The following KCND2 variants were observed in gnomAD, a reference collection of about 807,000 sequenced individuals.
KCND2 encodes A-type voltage-gated potassium channel KCND2.
A neutral mutation model predicts 54.4 loss-of-function variants in KCND2; 16 were observed. The ratio of observed to expected loss-of-function variants is 0.29; its 90% CI spans 0.20 to 0.45. The LOEUF (loss-of-function observed/expected upper bound fraction) is 0.45. KCND2 is among the 20% of genes least tolerant of loss of function. KCND2 has a pLI of 1.00. For missense variants in KCND2, 486 were observed against 824.2 expected, an observed-to-expected ratio of 0.59 and a Z score of 5.02; for synonymous variants, 317 against 310.7, an observed-to-expected ratio of 1.02 and a Z score of -0.21.
chr7:120,609,538 C>T (rs1792925328), intron 1 of KCND2, among the ~76,000 whole-genome samples: 1 of 152,122 alleles, frequency 6.6e-6, no homozygotes, highest in African/African-American at 2.4e-5. Flanking sequence ...AATTGCTATG[C>T]TGCAAAACCT....
At chr7:120,314,259 G>A (rs1799781390) in intron 1 of KCND2, among the ~76,000 whole-genome samples, 1 of 151,752 alleles carries the variant, frequency 6.6e-6, no homozygotes, top group African/African-American at 2.4e-5. Flanking sequence ...ATTGAACCCG[G>A]GAGGTGGAGC....
intron 1 of KCND2, among the ~76,000 whole-genome samples, chr7:120,350,579 G>A (rs1800386446): frequency 6.6e-6 from 1 of 152,056 alleles, no homozygotes. Context: ...TAATAAAGAT[G>A]GAAAAGTTGA....
At chr7:120,617,613 C>G (rs1335828403) in intron 1 of KCND2, among the ~76,000 whole-genome samples, 1 of 152,156 alleles carries the variant, frequency 6.6e-6, no homozygotes, top group Non-Finnish European at 1.5e-5. Context: ...TGAAACAGAA[C>G]TACCATTCGA....
intron 1 of KCND2, among the ~76,000 whole-genome samples, chr7:120,431,130 G>A (rs1383540473): frequency 6.6e-6 from 1 of 152,148 alleles, no homozygotes; most frequent in Admixed American, 6.5e-5. Flanking sequence ...TCTTCCTGAA[G>A]ATGATTCATC....
In KCND2 at chr7:120,749,806, A is replaced by G. The variant is rs977427372; in HGVS notation, c.*1948A>G. 6.6e-6 allele frequency: 1 copy of G among 152,058 alleles called. No homozygotes were observed. The highest frequency in any genetic ancestry group is 2.4e-5 in the African/African-American group (1 of 41,448). The allele number at this position is 152,058 out of a possible 1,614,324, so 9.4% of individuals were successfully genotyped here. A position where few individuals can be genotyped will look rare whatever the true frequency, so the allele number is the denominator to read the frequency against. The stretch of plus-strand genomic sequence containing the variant: ...TAACAATTATATTAACACCTGCCTC[A>G]TGTCAGTTTATGCTTCTAGAGCAAT... On this transcript the variant is annotated 3_prime_UTR_variant, in exon 6 of 6. Transcript: ENST00000331113.
In KCND2 at chr7:120,397,991, GTGTGTATATATATATATATA is replaced by G. The variant is rs1452023181; in HGVS notation, c.1115+122246_1115+122265del. ...TATATAAGTGTGTGTGTGTGTGTGT[GTGTGTATATATATATATATA>G]TATATATATATATATATATATATAT... On this transcript the variant is annotated intron_variant, in intron 1 of 5. Coordinates refer to ENST00000331113, the MANE Select transcript of KCND2 (RefSeq NM_012281.3). 7.3e-3 allele frequency among the ~76,000 whole-genome samples: 277 copies of G among 37,828 alleles called. 3 individuals are homozygous for G. Among genetic ancestry groups the G allele is most frequent in the African/African-American group, 0.017 (262 of 15,152 alleles). 24.8% of individuals were successfully genotyped at this position (37,828 alleles called of 152,430 possible). A position where few individuals can be genotyped will look rare whatever the true frequency, so the allele number is the denominator to read the frequency against.
At chr7:120,564,556 C>T (rs1170247185) in intron 1 of KCND2, among the ~76,000 whole-genome samples, 3 of 152,010 alleles carry the variant, frequency 2.0e-5, no homozygotes, top group Admixed American at 6.6e-5. Context: ...AAAAATTAAC[C>T]TAACTCTTTG....
intron 1 of KCND2, among the ~76,000 whole-genome samples, chr7:120,455,450 A>ATT: frequency 6.6e-6 from 1 of 152,290 alleles, no homozygotes; most frequent in South Asian, 2.1e-4. Flanking sequence ...TTAAAAGAGA[A>ATT]TAATCATTCA....
At chr7:120,686,070 G>A (rs1792197346) in intron 1 of KCND2, among the ~76,000 whole-genome samples, 1 of 152,062 alleles carries the variant, frequency 6.6e-6, no homozygotes, top group Non-Finnish European at 1.5e-5. Flanking sequence ...AATACTTAAG[G>A]GGTATACCTA....
At chr7:120,421,491 G>T (rs1801622159) in intron 1 of KCND2, among the ~76,000 whole-genome samples, 3 of 152,176 alleles carry the variant, frequency 2.0e-5, no homozygotes. Context: ...TCATTGCAGT[G>T]CTATTTTGAA....
At chr7:120,590,298 T>C (rs1792654636) in intron 1 of KCND2, among the ~76,000 whole-genome samples, 1 of 152,186 alleles carries the variant, frequency 6.6e-6, no homozygotes, top group Non-Finnish European at 1.5e-5. Context: ...GATACAGGCG[T>C]GAGCCACTGT....
chr7:120,727,484 C>T (rs1381031313), intron 1 of KCND2, among the ~76,000 whole-genome samples: 1 of 152,060 alleles, frequency 6.6e-6, no homozygotes, highest in Non-Finnish European at 1.5e-5. Flanking sequence ...AGAGTGCATG[C>T]CAGAATTCAA....
chr7:120,370,095 A>C (rs1197229920), intron 1 of KCND2, among the ~76,000 whole-genome samples: 2 of 151,954 alleles, frequency 1.3e-5, no homozygotes, highest in African/African-American at 2.4e-5. Context: ...TAAAGATGTG[A>C]AGAAGGTGAG....
At chr7:120,369,755 G>A (rs1800740268) in intron 1 of KCND2, among the ~76,000 whole-genome samples, 1 of 151,990 alleles carries the variant, frequency 6.6e-6, no homozygotes, top group South Asian at 2.1e-4. Context: ...GTATGCTCAA[G>A]TTTGTTCATT....
At chr7:120,615,663 C>T (rs1793014692) in intron 1 of KCND2, among the ~76,000 whole-genome samples, 1 of 152,168 alleles carries the variant, frequency 6.6e-6, no homozygotes, top group Admixed American at 6.5e-5. Flanking sequence ...CCAAGATTGT[C>T]TCCATGTTCT....
chr7:120,354,433 A>G, intron 1 of KCND2, among the ~76,000 whole-genome samples: 1 of 152,214 alleles, frequency 6.6e-6, no homozygotes, highest in East Asian at 1.9e-4. Flanking sequence ...GGTAAAACAG[A>G]TATTCAAAGT....
intron 1 of KCND2, among the ~76,000 whole-genome samples, chr7:120,351,831 A>T (rs10260848): frequency 0.032 from 4,415 of 137,804 alleles, 211 homozygotes; most frequent in African/African-American, 0.11. Context: ...TTTCTTTTTG[A>T]GACAGTGTCT....
intron 1 of KCND2, among the ~76,000 whole-genome samples, chr7:120,686,101 G>T (rs1187858977): frequency 1.3e-5 from 2 of 152,154 alleles, no homozygotes; most frequent in Non-Finnish European, 2.9e-5. Context: ...AATGGAATAT[G>T]TTTGTGTTTC....
chr7:120,483,429 CTGTGAGT>C, intron 1 of KCND2, among the ~76,000 whole-genome samples: 2 of 152,238 alleles, frequency 1.3e-5, no homozygotes, highest in East Asian at 3.9e-4. Context: ...ACATATAGAT[CTGTGAGT>C]TGTTTGCATG....
Sources: gnomAD v4.1 joint callset for allele counts (sites outside exome capture counted in the v4.1 genomes callset) on GRCh38, gnomAD v4.1.1 for gene constraint, MANE v1.5 for transcripts, NCBI Gene and HGNC (gene_info 2026-07-23, HGNC 2026-07-21) for gene names.